The following TMSB15B variants were observed in gnomAD, a reference collection of about 807,000 sequenced individuals.
TMSB15B encodes thymosin beta-15B.
At chrX:103,937,951 T>C (rs2075002812) in intron 1 of TMSB15B, among the ~76,000 whole-genome samples, 1 of 111,948 alleles carries the variant, frequency 8.9e-6, no homozygotes, top group Non-Finnish European at 1.9e-5. Context: ...AGGAGCAGGT[T>C]GTTCAGTTTC....
At chrX:103,945,449 C>T (rs1556327119) in intron 1 of TMSB15B, among the ~76,000 whole-genome samples, 2 of 111,705 alleles carry the variant, frequency 1.8e-5, no homozygotes, top group African/African-American at 3.3e-5. Context: ...CCTCACTTTA[C>T]AACAACTTGC....
intron 1 of TMSB15B, among the ~76,000 whole-genome samples, chrX:103,923,971 C>T (rs1202701151): frequency 2.7e-5 from 3 of 111,720 alleles, no homozygotes; most frequent in Non-Finnish European, 5.6e-5. Context: ...AATGAAATTA[C>T]TAATATAACT....
intron 1 of TMSB15B, among the ~76,000 whole-genome samples, chrX:103,920,169 T>G (rs1271624327): frequency 1.8e-5 from 2 of 112,111 alleles, no homozygotes; most frequent in Non-Finnish European, 3.8e-5. Context: ...GAGGCAAGGC[T>G]CAGAGAGGTA....
chrX:103,945,547 T>G (rs1234802502), intron 1 of TMSB15B, among the ~76,000 whole-genome samples: 1 of 112,434 alleles, frequency 8.9e-6, no homozygotes, highest in Non-Finnish European at 1.9e-5. Context: ...AGTGAATCCT[T>G]AATGACCCAG....
At chrX:103,930,654 T>C in intron 1 of TMSB15B, among the ~76,000 whole-genome samples, 1 of 108,518 alleles carries the variant, frequency 9.2e-6, no homozygotes. Flanking sequence ...GTAAGACACA[T>C]GCCTTGGAGC....
rs191680354 is a variant in TMSB15B, at chrX:103,938,465, A to T, written c.-721+19173A>T. ...GTTGGTTTAAAGTCTGTTTTATCAG[A>T]GACTAGGATTGCAACCCCTGCTTAT... On this transcript the variant is annotated intron_variant, in intron 1 of 3. Transcript: ENST00000419165. Among the ~76,000 whole-genome samples the T allele has an allele frequency of 4.6e-3, 515 of 111,687 alleles. 2 individuals carry two copies. Among genetic ancestry groups the T allele is most frequent in the Non-Finnish European group, 6.2e-3 (330 of 53,100 alleles).
intron 1 of TMSB15B, among the ~76,000 whole-genome samples, chrX:103,941,637 T>C (rs781842127): frequency 8.9e-6 from 1 of 111,962 alleles, no homozygotes; most frequent in Non-Finnish European, 1.9e-5. Flanking sequence ...AACACAGATA[T>C]CTCTAGGGGA....
intron 1 of TMSB15B, among the ~76,000 whole-genome samples, chrX:103,929,995 T>A (rs2074980190): frequency 9.0e-6 from 1 of 110,798 alleles, no homozygotes; most frequent in Non-Finnish European, 1.9e-5. Flanking sequence ...ATTAGGTATA[T>A]CTCCTAATGC....
At chrX:103,937,173 G>C (rs1480710472) in intron 1 of TMSB15B, among the ~76,000 whole-genome samples, 1 of 112,041 alleles carries the variant, frequency 8.9e-6, no homozygotes, top group Non-Finnish European at 1.9e-5. Context: ...TCAGGATGAT[G>C]CTGGCCTCAT....
At position 103,920,092 on chromosome X, in the gene TMSB15B, TATACTACAAA is replaced by T. The variant is rs1396409316; in HGVS notation, c.-721+802_-721+811del. ...TCGTTTTTTTAAAAATACTTTTTTT[TATACTACAAA>T]AAGCTGCCCTTTTTATAAAAGCAAC... is the stretch of plus-strand genomic sequence containing the variant. On this transcript the variant is annotated intron_variant, in intron 1 of 3. Transcript: ENST00000419165. 3.6e-5 allele frequency among the ~76,000 whole-genome samples: 4 copies of T among 112,115 alleles called. No individual in the cohort carries two copies. In the East Asian group the frequency reaches 1.1e-3, roughly 31 times the overall value.
chrX:103,955,352 A>C (rs1556328969), intron 1 of TMSB15B, among the ~76,000 whole-genome samples: 2 of 110,982 alleles, frequency 1.8e-5, no homozygotes, highest in African/African-American at 6.6e-5. Context: ...ACTGAGCTAC[A>C]GGGGTACATT....
At chrX:103,921,337 G>A (rs1380108971) in intron 1 of TMSB15B, among the ~76,000 whole-genome samples, 3 of 111,881 alleles carry the variant, frequency 2.7e-5, no homozygotes, top group Admixed American at 9.5e-5. Flanking sequence ...CCCCTGTCCC[G>A]TGACATCTGA....
Position 103,926,596 on chromosome X carries a change from A to T in TMSB15B, c.-721+7304A>T, listed in dbSNP as rs192716920. 1.3e-4 allele frequency among the ~76,000 whole-genome samples: 14 copies of T among 110,153 alleles called. No individual in the cohort carries two copies. The East Asian group carries it at 4.1e-3, about 32-fold the overall frequency. The stretch of plus-strand genomic sequence containing the variant: ...GGGAAGAGCAGAGCTAATGGGAGTG[A>T]TTCTGGAAGGAGTAGCACGCCAAGG... On this transcript the variant is annotated intron_variant, in intron 1 of 3. Coordinates refer to the TMSB15B transcript ENST00000419165.
chrX:103,930,710 G>A (rs1232993803), intron 1 of TMSB15B, among the ~76,000 whole-genome samples: 1 of 86,828 alleles, frequency 1.2e-5, no homozygotes, highest in African/African-American at 4.1e-5. Flanking sequence ...TTGTGCTAAT[G>A]ATAATGATGC....
chrX:103,940,153 G>A (rs1439254868), intron 1 of TMSB15B, among the ~76,000 whole-genome samples: 6 of 112,258 alleles, frequency 5.3e-5, no homozygotes, highest in African/African-American at 1.9e-4. Context: ...ACATGAGGAG[G>A]CAATCTGTCC....
intron 1 of TMSB15B, among the ~76,000 whole-genome samples, chrX:103,953,216 G>T (rs1475267880): frequency 1.8e-5 from 2 of 111,406 alleles, no homozygotes; most frequent in Non-Finnish European, 3.8e-5. Context: ...CAGGTCAGGA[G>T]ATCCCGTCAT....
chrX:103,935,698 T>G (rs1185837284), intron 1 of TMSB15B, among the ~76,000 whole-genome samples: 4 of 111,218 alleles, frequency 3.6e-5, no homozygotes, highest in Non-Finnish European at 7.5e-5. Flanking sequence ...TTGGTCTATA[T>G]ATCTGTTTTG....
chrX:103,936,800 T>A (rs1313509589), intron 1 of TMSB15B, among the ~76,000 whole-genome samples: 1 of 112,405 alleles, frequency 8.9e-6, no homozygotes, highest in East Asian at 2.8e-4. Context: ...AAATAGCTCT[T>A]ATTATCTTGA....
At chrX:103,940,743 C>T (rs2075010696) in intron 1 of TMSB15B, among the ~76,000 whole-genome samples, 1 of 111,469 alleles carries the variant, frequency 9.0e-6, no homozygotes, top group African/African-American at 3.3e-5. Flanking sequence ...GCAACAACAA[C>T]AACAACAGCA....
Sources: allele counts gnomAD v4.1 joint callset (sites outside exome capture counted in the v4.1 genomes callset), GRCh38; gene constraint gnomAD v4.1.1; transcripts MANE v1.5; gene names NCBI Gene and HGNC (gene_info 2026-07-23, HGNC 2026-07-21).